Variants in SVOPL observed in about 807,000 individuals in gnomAD.
The protein encoded by SVOPL is SVOP like.
Under a neutral mutation model 61.0 loss-of-function variants are expected in SVOPL, and 60 were observed. The ratio of observed to expected loss-of-function variants is 0.98; its 90% CI spans 0.80 to 1.22. The LOEUF (loss-of-function observed/expected upper bound fraction) is 1.22. Ranked by LOEUF, SVOPL falls within the 50% of genes most tolerant of loss-of-function variation. The pLI, the probability that SVOPL is intolerant of heterozygous loss-of-function variation, is 0.00. For synonymous variants in SVOPL, 279 were observed against 250.0 expected (o/e 1.12, Z -1.09); for missense variants, 662 against 643.9 (o/e 1.03, Z -0.30).
At chr7:138,603,814 T>C (rs1440320971) in intron 14 of SVOPL, among the ~76,000 whole-genome samples, 1 of 152,098 alleles carries the variant, frequency 6.6e-6, no homozygotes, top group Non-Finnish European at 1.5e-5. Flanking sequence ...ATGAAAGACC[T>C]CCTTCTCTTC....
At chr7:138,599,720 T>C (rs1798432408) in intron 14 of SVOPL, among the ~76,000 whole-genome samples, 1 of 152,134 alleles carries the variant, frequency 6.6e-6, no homozygotes. Flanking sequence ...AAACCCCGTC[T>C]CTACTAAAAG....
chr7:138,623,524 C>T (rs1043604208), intron 13 of SVOPL, among the ~76,000 whole-genome samples: 3 of 151,966 alleles, frequency 2.0e-5, no homozygotes, highest in East Asian at 1.9e-4. Context: ...GGCGTGAACC[C>T]GGGAGGTGGA....
chr7:138,611,712 G>GCCA (rs1292165098), intron 14 of SVOPL, among the ~76,000 whole-genome samples: 11 of 19,618 alleles, frequency 5.6e-4, no homozygotes, highest in Admixed American at 1.7e-3. Flanking sequence ...ATAAGACTTT[G>GCCA]GTTAAAAGAT....
At chr7:138,683,290 GGAA>G (rs1221941569) in intron 1 of SVOPL, among the ~76,000 whole-genome samples, 2 of 152,128 alleles carry the variant, frequency 1.3e-5, no homozygotes, top group South Asian at 2.1e-4. Flanking sequence ...GAAAATTATT[GGAA>G]GAAGATTATT....
intron 6 of SVOPL, 110 bp from the exon 7 acceptor site, chr7:138,656,621 G>A (rs1738805962): frequency 2.6e-6 from 3 of 1,150,436 alleles, no homozygotes; most frequent in African/African-American, 1.5e-5. Flanking sequence ...AAGCATAGAA[G>A]TTGATTATAT....
chr7:138,657,033 T>C (rs953377362), intron 6 of SVOPL, among the ~76,000 whole-genome samples: 1 of 144,962 alleles, frequency 6.9e-6, no homozygotes, highest in Admixed American at 6.8e-5. Context: ...CGAAACTCCA[T>C]GTTGAAAAGA....
At chr7:138,668,398 C>A (rs897823) in intron 4 of SVOPL, among the ~76,000 whole-genome samples, 1 of 152,144 alleles carries the variant, frequency 6.6e-6, no homozygotes, top group South Asian at 2.1e-4. Context: ...GTCTAGTCAG[C>A]GGGCAAGGTG....
chr7:138,655,020 A>G (rs1227554551), intron 7 of SVOPL, among the ~76,000 whole-genome samples: 1 of 151,740 alleles, frequency 6.6e-6, no homozygotes, highest in East Asian at 1.9e-4. Context: ...GAGAAACCCC[A>G]TCTCTACAAA....
intron 14 of SVOPL, among the ~76,000 whole-genome samples, chr7:138,612,906 C>G (rs1799118287): frequency 6.6e-6 from 1 of 152,138 alleles, no homozygotes; most frequent in South Asian, 2.1e-4. Context: ...TCTGAAATCT[C>G]CTCTTTCATG....
chr7:138,680,168 CTTTT>C (rs1232394704), intron 1 of SVOPL, among the ~76,000 whole-genome samples: 7 of 135,256 alleles, frequency 5.2e-5, no homozygotes, highest in Non-Finnish European at 3.2e-5. Context: ...ATGTCATTGT[CTTTT>C]TTTTTTTTTT....
In SVOPL at chr7:138,674,272, C is replaced by T. The variant is rs146572886; in HGVS notation, c.175-2155G>A. The stretch of plus-strand genomic sequence containing the variant: ...CTGGTCACAGGCTGAGGCTGCTCAG[C>T]TGCTGTGGATGCTGTTATATACACC... On this transcript the variant is annotated intron_variant, in intron 3 of 15. Coordinates refer to ENST00000674285, the MANE Select transcript of SVOPL (RefSeq NM_001139456.2). Among the ~76,000 whole-genome samples, 9 of 151,922 alleles carry T rather than the reference C, an allele frequency of 5.9e-5. No individual in the cohort carries two copies. In the South Asian group the frequency reaches 1.0e-3, roughly 18 times the overall value.
chr7:138,650,475 C>T (rs1424410466), intron 7 of SVOPL, among the ~76,000 whole-genome samples: 3 of 151,804 alleles, frequency 2.0e-5, no homozygotes, highest in South Asian at 4.2e-4. Context: ...GGGTCATTGG[C>T]TACCTAGGTC....
intron 13 of SVOPL, chr7:138,625,009 A>G (rs1308846057): frequency 6.6e-6 from 1 of 152,108 alleles, no homozygotes; most frequent in East Asian, 1.9e-4. Context: ...CCTGGAACCA[A>G]CGTTTATGGT....
Position 138,644,770 on chromosome 7 carries a change from C to T in SVOPL, c.736G>A (p.Ala246Thr), listed in dbSNP as rs1801010678. 4 of 1,614,032 alleles carry T rather than the reference C, an allele frequency of 2.5e-6. No homozygotes were observed. The highest frequency in any genetic ancestry group is 3.4e-6 in the Non-Finnish European group (4 of 1,180,040). The change falls in exon 9 of 16, where the codon GCC becomes ACC. Residue 246 changes from alanine (A) to threonine (T), a missense_variant. Transcript: ENST00000674285. ...RAALATLERV[A>T]KMNRSVMPEG... ...GGCATGACCGAGCGGTTCATCTTGG[C>T]AACGCGCTCCAGAGTGGCCAGGGCA...
intron 9 of SVOPL, among the ~76,000 whole-genome samples, chr7:138,631,991 C>A (rs957485960): frequency 6.6e-6 from 1 of 152,062 alleles, no homozygotes; most frequent in Non-Finnish European, 1.5e-5. Context: ...CACATACACA[C>A]ACCCCTACAC....
At chr7:138,643,454 C>T (rs984828367) in intron 9 of SVOPL, among the ~76,000 whole-genome samples, 3 of 150,670 alleles carry the variant, frequency 2.0e-5, no homozygotes, top group Non-Finnish European at 4.4e-5. Flanking sequence ...AAAGTGAGGC[C>T]TTGAAGAGCT....
At chr7:138,672,410 G>A (rs938318058) in intron 3 of SVOPL, among the ~76,000 whole-genome samples, 1 of 152,152 alleles carries the variant, frequency 6.6e-6, no homozygotes, top group African/African-American at 2.4e-5. Context: ...CACTAGGAGG[G>A]AGCTGTGTGA....
intron 14 of SVOPL, among the ~76,000 whole-genome samples, chr7:138,601,504 C>CCAGG (rs1798524107): frequency 1.3e-5 from 2 of 151,260 alleles, no homozygotes; most frequent in African/African-American, 4.9e-5. Flanking sequence ...TAATAAGAAG[C>CCAGG]CAGGCACAAA....
chr7:138,616,439 C>T (rs1349678878), intron 14 of SVOPL, among the ~76,000 whole-genome samples: 1 of 151,864 alleles, frequency 6.6e-6, no homozygotes, highest in East Asian at 1.9e-4. Context: ...CAGGTTCAAG[C>T]AATTCTCCTG....
Sources: gnomAD v4.1 joint callset for allele counts (sites outside exome capture counted in the v4.1 genomes callset) on GRCh38, gnomAD v4.1.1 for gene constraint, MANE v1.5 for transcripts, NCBI Gene and HGNC (gene_info 2026-07-23, HGNC 2026-07-21) for gene names.